Variants in MALRD1 observed in about 807,000 individuals in gnomAD.
The protein encoded by MALRD1 is MAM and LDL receptor class A domain containing 1.
In MALRD1, 247 loss-of-function variants were observed where a neutral mutation model predicts 242.1. The ratio of observed to expected loss-of-function variants is 1.02; its 90% CI spans 0.92 to 1.13. The LOEUF (loss-of-function observed/expected upper bound fraction) is 1.13, where lower values mean the gene tolerates loss of function less well. Among genes scored for constraint, MALRD1 ranks in the 50% most tolerant of loss-of-function variants. MALRD1 has a pLI of 0.00. For synonymous variants in MALRD1, 995 were observed against 866.6 expected (o/e 1.15, Z -2.60); for missense variants, 2,989 against 2,533.1 (o/e 1.18, Z -3.86).
At chr10:19,139,494 T>G (rs1237631463) in intron 10 of MALRD1, among the ~76,000 whole-genome samples, 2 of 152,158 alleles carry the variant, frequency 1.3e-5, no homozygotes, top group African/African-American at 2.4e-5. Flanking sequence ...GCAGGCAGTT[T>G]GAATAGCACC....
intron 29 of MALRD1, among the ~76,000 whole-genome samples, chr10:19,490,150 T>G (rs1165057484): frequency 6.6e-6 from 1 of 152,156 alleles, no homozygotes; most frequent in Non-Finnish European, 1.5e-5. Context: ...TTAGGAATTG[T>G]GTACATATTG....
At position 19,486,423 on chromosome 10, in the gene MALRD1, A is replaced by AAACATAT. The variant is rs1172054202; in HGVS notation, c.5030-5094_5030-5093insAACATAT. Among the ~76,000 whole-genome samples the AAACATAT allele has an allele frequency of 3.9e-5, 6 of 152,082 alleles. 1 individual carries two copies. In the South Asian group the frequency reaches 1.2e-3, roughly 32 times the overall value. ...GGACTTTTCTTAGATATGTTTCCTG[A>AAACATAT]CTCACTGTATTCCATGGGAAAGTTC... On this transcript the variant is annotated intron_variant, in intron 29 of 39. Coordinates refer to ENST00000454679, the MANE Select transcript of MALRD1 (RefSeq NM_001142308.3).
At chr10:19,421,571 A>G (rs1334304269) in intron 28 of MALRD1, among the ~76,000 whole-genome samples, 1 of 152,228 alleles carries the variant, frequency 6.6e-6, no homozygotes, top group Non-Finnish European at 1.5e-5. Context: ...TTTACACACT[A>G]AAGAGTATGA....
chr10:19,323,883 T>C (rs1358533128), intron 21 of MALRD1, 66 bp from the exon 22 acceptor site: 9 of 1,463,920 alleles, frequency 6.1e-6, no homozygotes, highest in Non-Finnish European at 8.3e-6. Context: ...ATTCCTGGGA[T>C]TACAGGCGTG....
chr10:19,543,764 T>C (rs1423926850), intron 32 of MALRD1, among the ~76,000 whole-genome samples: 1 of 152,148 alleles, frequency 6.6e-6, no homozygotes, highest in Non-Finnish European at 1.5e-5. Flanking sequence ...CAACTTTGTA[T>C]CAACTTACTC....
intron 14 of MALRD1, among the ~76,000 whole-genome samples, chr10:19,193,255 A>G (rs1255045228): frequency 2.0e-5 from 3 of 152,158 alleles, no homozygotes; most frequent in Admixed American, 6.6e-5. Context: ...CATAGTCATG[A>G]AATAAGATGG....
At chr10:19,583,536 G>T (rs1837234897) in intron 33 of MALRD1, among the ~76,000 whole-genome samples, 4 of 151,040 alleles carry the variant, frequency 2.6e-5, no homozygotes, top group African/African-American at 7.3e-5. Context: ...TTATTGATTT[G>T]CGTATATTGA....
At chr10:19,350,248 C>A (rs1452075562) in intron 25 of MALRD1, among the ~76,000 whole-genome samples, 1 of 149,480 alleles carries the variant, frequency 6.7e-6, no homozygotes, top group African/African-American at 2.5e-5. Context: ...AGAGATGAGA[C>A]CTTAATGATT....
chr10:19,604,362 G>A (rs574133341), intron 34 of MALRD1, among the ~76,000 whole-genome samples: 2 of 152,248 alleles, frequency 1.3e-5, no homozygotes, highest in South Asian at 2.1e-4. Context: ...TGTCAAAATG[G>A]TGCAATGGGT....
chr10:19,396,823 C>G (rs958994806), intron 28 of MALRD1, among the ~76,000 whole-genome samples: 1 of 152,132 alleles, frequency 6.6e-6, no homozygotes, highest in South Asian at 2.1e-4. Flanking sequence ...TCATCAACTT[C>G]AGCAGTTTTG....
chr10:19,452,440 T>C (rs10458692), intron 29 of MALRD1, among the ~76,000 whole-genome samples: 33,501 of 152,120 alleles, frequency 0.22, 4,418 homozygotes, highest in South Asian at 0.36. Context: ...TATAGTTCTT[T>C]CTTTTTCATT....
intron 1 of MALRD1, among the ~76,000 whole-genome samples, chr10:19,055,367 A>T (rs937957180): frequency 2.6e-5 from 4 of 152,160 alleles, no homozygotes; most frequent in African/African-American, 7.2e-5. Flanking sequence ...TTACTTTGTT[A>T]ATTGTCATCT....
chr10:19,517,284 G>T (rs1833678747), intron 31 of MALRD1, among the ~76,000 whole-genome samples: 1 of 152,118 alleles, frequency 6.6e-6, no homozygotes, highest in Admixed American at 6.5e-5. Context: ...AAACATTCCA[G>T]GCCAATGTGA....
At chr10:19,633,840 C>CT (rs1041174965) in intron 36 of MALRD1, 9,720 of 126,484 alleles carry the variant, frequency 0.077, 512 homozygotes, top group Non-Finnish European at 0.11. Context: ...TCTTTTCTTT[C>CT]TTTTTTTTTT....
intron 12 of MALRD1, among the ~76,000 whole-genome samples, chr10:19,164,878 C>T (rs945158648): frequency 9.9e-5 from 15 of 151,908 alleles, no homozygotes; most frequent in Non-Finnish European, 2.2e-4. Flanking sequence ...TTAAGCCTCC[C>T]TACCCTCAAA....
At chr10:19,237,513 C>CATATATATATATATATATATAT (rs34727263) in intron 18 of MALRD1, among the ~76,000 whole-genome samples, 4 of 113,712 alleles carry the variant, frequency 3.5e-5, no homozygotes, top group Non-Finnish European at 5.2e-5. Flanking sequence ...TGTGTGTGTC[C>CATATATATATATATATATATAT]ATATATATAT....
At chr10:19,542,812 C>T (rs971560344) in intron 32 of MALRD1, among the ~76,000 whole-genome samples, 17 of 152,224 alleles carry the variant, frequency 1.1e-4, no homozygotes, top group Admixed American at 1.0e-3. Context: ...TAAAAGCCTC[C>T]AGTACAATTA....
At chr10:19,487,233 A>G (rs1837272865) in intron 29 of MALRD1, among the ~76,000 whole-genome samples, 1 of 152,064 alleles carries the variant, frequency 6.6e-6, no homozygotes. Context: ...TTTTGCCTTT[A>G]TCATTACCAT....
intron 29 of MALRD1, among the ~76,000 whole-genome samples, chr10:19,475,871 T>C (rs1428882243): frequency 6.6e-6 from 1 of 152,184 alleles, no homozygotes; most frequent in Non-Finnish European, 1.5e-5. Context: ...TTAAAGCACA[T>C]TAATGTTATC....
Sources: allele counts gnomAD v4.1 joint callset (sites outside exome capture counted in the v4.1 genomes callset), GRCh38; gene constraint gnomAD v4.1.1; transcripts MANE v1.5; gene names NCBI Gene and HGNC (gene_info 2026-07-23, HGNC 2026-07-21).